The following IRF8 variants were observed in gnomAD, a reference collection of about 807,000 sequenced individuals.
IRF8 encodes interferon consensus sequence binding protein 1.
A neutral mutation model predicts 48.7 loss-of-function variants in IRF8; 14 were observed. The observed-to-expected ratio is 0.29, with a 90% confidence interval of 0.19 to 0.45. IRF8 has a LOEUF of 0.45. Ranked by LOEUF, IRF8 falls within the 20% of genes least tolerant of loss-of-function variation. The pLI is 1.00. For missense variants in IRF8, 493 were observed against 580.7 expected (o/e 0.85, Z 1.55); for synonymous variants, 278 against 227.3 (o/e 1.22, Z -2.01).
chr16:85,901,283 C>T (rs954282965), intron 1 of IRF8: 1 of 152,208 alleles, frequency 6.6e-6, no homozygotes, highest in Admixed American at 6.5e-5. Context: ...AGTGACGTCA[C>T]AAGGTCTGGT....
intron 2 of IRF8, among the ~76,000 whole-genome samples, chr16:85,908,400 A>AC (rs565620098): frequency 6.7e-4 from 102 of 152,362 alleles, no homozygotes; most frequent in African/African-American, 1.9e-3. Flanking sequence ...TATTAAAAAA[A>AC]ACACACACAC....
At chr16:85,915,320 G>T (rs933333279) in intron 6 of IRF8, among the ~76,000 whole-genome samples, 6 of 152,236 alleles carry the variant, frequency 3.9e-5, no homozygotes, top group Non-Finnish European at 8.8e-5. Flanking sequence ...CGAGCAGCTG[G>T]TCTCATCAGA....
At chr16:85,901,613 G>T (rs968654666) in intron 1 of IRF8, among the ~76,000 whole-genome samples, 8 of 152,094 alleles carry the variant, frequency 5.3e-5, no homozygotes, top group Admixed American at 5.2e-4. Context: ...GCAAGACCCT[G>T]TCTCTAAAGA....
Position 85,911,566 on chromosome 16 carries a change from G to C in IRF8, c.359-4G>C, listed in dbSNP as rs752738851. ...TGTCATGGTGTTTGTCTGGTTTTCTGTAGGCAAACTAGGCGTGGCAACTGC... is the reference window on the plus strand; with the variant it reads ...TGTCATGGTGTTTGTCTGGTTTTCTCTAGGCAAACTAGGCGTGGCAACTGC... On this transcript the variant is annotated splice_region_variant and splice_polypyrimidine_tract_variant and intron_variant, in intron 3 of 8. Transcript: ENST00000268638. 1.9e-6 allele frequency: 3 copies of C among 1,613,752 alleles called. No individual in the cohort carries two copies. In the Admixed American group the frequency reaches 5.0e-5, roughly 27 times the overall value.
At position 85,903,009 on chromosome 16, in the gene IRF8, TC is replaced by T. The variant is rs756788126; in HGVS notation, c.-1-4del. 5 of 1,613,998 alleles carry T rather than the reference TC, an allele frequency of 3.1e-6. No homozygotes were observed. Among genetic ancestry groups the T allele is most frequent in the Admixed American group, 3.3e-5 (2 of 60,006 alleles). On this transcript the variant is annotated splice_region_variant and splice_polypyrimidine_tract_variant and intron_variant, in intron 1 of 8. Coordinates refer to ENST00000268638, the MANE Select transcript of IRF8 (RefSeq NM_002163.4). ...ATATCACAGCGTGTATTTCTGTCTT[TC>T]CAAGGATGTGTGACCGGAATGGTGG... is the stretch of plus-strand genomic sequence containing the variant.
At chr16:85,906,094 T>G (rs888491785) in intron 2 of IRF8, among the ~76,000 whole-genome samples, 11 of 152,202 alleles carry the variant, frequency 7.2e-5, no homozygotes, top group African/African-American at 2.7e-4. Context: ...TTATGATTCA[T>G]GGTTATTCCA....
chr16:85,908,556 A>G (rs988676473), intron 2 of IRF8, among the ~76,000 whole-genome samples: 2 of 152,208 alleles, frequency 1.3e-5, no homozygotes, highest in African/African-American at 4.8e-5. Flanking sequence ...TTCCCTTTTC[A>G]TGCTAAATTT....
At chr16:85,907,933 C>G (rs1485808065) in intron 2 of IRF8, among the ~76,000 whole-genome samples, 1 of 151,818 alleles carries the variant, frequency 6.6e-6, no homozygotes, top group South Asian at 2.1e-4. Context: ...AGTTACTTAC[C>G]TCTTGGAATT....
chr16:85,905,887 C>T (rs1197868056), intron 2 of IRF8, among the ~76,000 whole-genome samples: 1 of 152,022 alleles, frequency 6.6e-6, no homozygotes, highest in Non-Finnish European at 1.5e-5. Context: ...CCAGAAAATC[C>T]CTCATTGTCT....
In IRF8 at chr16:85,921,185, A is replaced by C. The variant is rs1567479042; in HGVS notation, c.1184A>C (p.Glu395Ala). 5.0e-6 allele frequency: 8 copies of C among 1,614,086 alleles called. No individual in the cohort carries two copies. In the Admixed American group the frequency reaches 1.3e-4, roughly 27 times the overall value. The change falls in exon 9 of 9, where the codon GAG (glutamate) becomes GCG (alanine). Residue 395 changes from glutamate (E) to alanine (A), a missense_variant. Glu to Ala is a moderately radical substitution (Grantham distance 107). Coordinates refer to ENST00000268638, the MANE Select transcript of IRF8 (RefSeq NM_002163.4). ...GCCGGCTCTGTGATGCAGGCCCCCG[A>C]GGAGCCGCCGCCAGACCAGGTCTTC... The part of the protein sequence containing the change: ...CGAGSVMQAP[E>A]EPPPDQVFRM...
At chr16:85,914,990 CGTCT>C (rs1905256860) in intron 6 of IRF8, among the ~76,000 whole-genome samples, 1 of 152,230 alleles carries the variant, frequency 6.6e-6, no homozygotes, top group South Asian at 2.1e-4. Flanking sequence ...GACAGGCCAG[CGTCT>C]GTCCCAGCGC....
intron 4 of IRF8, among the ~76,000 whole-genome samples, chr16:85,912,481 G>A (rs185029005): frequency 4.5e-4 from 68 of 152,264 alleles, no homozygotes; most frequent in African/African-American, 1.6e-3. Context: ...CTACCCGAAC[G>A]GCCTTGCTCT....
chr16:85,912,494 T>C (rs1905174698), intron 4 of IRF8, among the ~76,000 whole-genome samples: 1 of 152,196 alleles, frequency 6.6e-6, no homozygotes, highest in African/African-American at 2.4e-5. Flanking sequence ...CTTGCTCTTC[T>C]GCACAGGCAG....
intron 8 of IRF8, among the ~76,000 whole-genome samples, 198 bp from the exon 9 acceptor site, chr16:85,920,908 G>T (rs946349834): frequency 2.0e-5 from 3 of 152,188 alleles, no homozygotes; most frequent in African/African-American, 7.2e-5. Flanking sequence ...GGTGCTGGCT[G>T]TCCCAGCTGG....
chr16:85,908,775 C>T (rs900271009), intron 2 of IRF8, among the ~76,000 whole-genome samples: 2 of 152,154 alleles, frequency 1.3e-5, no homozygotes, highest in Non-Finnish European at 2.9e-5. Flanking sequence ...CTGGGGGACC[C>T]CCTCCCTGGC....
chr16:85,913,044 A>C (rs561525424), intron 4 of IRF8, 87 bp from the exon 5 acceptor site: 1 of 957,460 alleles, frequency 1.0e-6, no homozygotes, highest in South Asian at 1.3e-5. Context: ...TTACTTACAC[A>C]TGAACTGTTC....
chr16:85,903,106 G>A lies in IRF8; in HGVS notation c.91G>A (p.Glu31Lys). Residue 31 changes from glutamate (E) to lysine (K), a missense_variant, in exon 2 of 9, where the codon GAG (glutamate) becomes AAG (lysine). Transcript: ENST00000268638. ...GTATCCAGGACTGATTTGGGAGAAT[G>A]AGGAGAAGAGCATGTTCCGGATCCC... ...SMYPGLIWEN[E>K]EKSMFRIPWK... 1.2e-6 allele frequency: 2 copies of A among 1,614,168 alleles called. No individual in the cohort carries two copies. The highest frequency in any genetic ancestry group is 1.7e-6 in the Non-Finnish European group (2 of 1,179,982).
chr16:85,910,166 G>A (rs1905104327), intron 3 of IRF8, among the ~76,000 whole-genome samples: 2 of 152,208 alleles, frequency 1.3e-5, no homozygotes, highest in Admixed American at 6.5e-5. Flanking sequence ...CATGAAGGAG[G>A]CAGCATGATG....
intron 7 of IRF8, 84 bp downstream of exon 7, chr16:85,918,887 C>T: frequency 1.9e-6 from 3 of 1,552,518 alleles, no homozygotes; most frequent in South Asian, 2.3e-5. Flanking sequence ...CAGGGTGGCC[C>T]TGTGGTCTCA....
Sources: allele counts gnomAD v4.1 joint callset (sites outside exome capture counted in the v4.1 genomes callset), GRCh38; gene constraint gnomAD v4.1.1; transcripts MANE v1.5; gene names NCBI Gene and HGNC (gene_info 2026-07-23, HGNC 2026-07-21).